The following MFHAS1 variants were observed in gnomAD, a reference collection of about 807,000 sequenced individuals.
MFHAS1 encodes the protein malignant fibrous histiocytoma-amplified sequence 1.
MFHAS1 carries 50 observed loss-of-function variants against 70.4 expected under a neutral mutation model. The observed-to-expected ratio is 0.71, with a 90% confidence interval of 0.57 to 0.90. The LOEUF (loss-of-function observed/expected upper bound fraction) is 0.90. MFHAS1 is among the 40% of genes least tolerant of loss of function. The pLI, the probability that MFHAS1 is intolerant of heterozygous loss-of-function variation, is 0.00. For missense variants in MFHAS1, 1,795 were observed against 1,347.6 expected (o/e 1.33, Z -5.20); for synonymous variants, 952 against 620.0 (o/e 1.54, Z -7.96).
At chr8:8,882,376 G>A (rs528687144) in intron 1 of MFHAS1, among the ~76,000 whole-genome samples, 20 of 151,894 alleles carry the variant, frequency 1.3e-4, no homozygotes, top group Non-Finnish European at 1.9e-4. Flanking sequence ...GAGACAGAGC[G>A]AGACTCAGTC....
chr8:8,851,498 G>A (rs935550585), intron 1 of MFHAS1, among the ~76,000 whole-genome samples: 5 of 152,182 alleles, frequency 3.3e-5, no homozygotes, highest in Non-Finnish European at 7.4e-5. Flanking sequence ...GTGTGGAGTT[G>A]TTATCTAAAT....
chr8:8,867,466 C>A (rs921739152), intron 1 of MFHAS1, among the ~76,000 whole-genome samples: 2 of 151,832 alleles, frequency 1.3e-5, no homozygotes, highest in Admixed American at 1.3e-4. Context: ...TGTTTCTACT[C>A]TTTTATTATT....
At position 8,892,395 on chromosome 8, in the gene MFHAS1, C is replaced by A. The variant is rs1226898272; in HGVS notation, c.664G>T (p.Asp222Tyr). 1.2e-6 allele frequency: 2 copies of A among 1,612,800 alleles called. No homozygotes were observed. The highest frequency in any genetic ancestry group is 2.2e-5 in the South Asian group (2 of 91,056). ...TTGAGGGCACGCAGGGCACTGATATCCTCAGGCAGGCCCCGCAGCCGGTTG... is the reference window on the plus strand; with the variant it reads ...TTGAGGGCACGCAGGGCACTGATATACTCAGGCAGGCCCCGCAGCCGGTTG... The part of the protein sequence containing the change: ...SSNRLRGLPE[D>Y]ISALRALKIL... Residue 222 changes from aspartate (D) to tyrosine (Y), a missense_variant, in exon 1 of 3, where the codon GAT (aspartate) becomes TAT (tyrosine). Asp to Tyr is a radical substitution (Grantham distance 160, BLOSUM62 -3). Transcript: ENST00000276282. This position sits in a 1 kb window ranked among gnomAD's most constrained non-coding sequence, Gnocchi z 4.7.
intron 1 of MFHAS1, among the ~76,000 whole-genome samples, chr8:8,854,337 C>A (rs893394198): frequency 1.3e-5 from 2 of 152,038 alleles, no homozygotes; most frequent in South Asian, 4.2e-4. Context: ...CTGGCTAACA[C>A]AGTGAAACCC....
In MFHAS1 at chr8:8,823,765, G is replaced by A. The variant is rs376428298; in HGVS notation, c.2999-26274C>T. 2.7e-5 allele frequency among the ~76,000 whole-genome samples: 4 copies of A among 147,664 alleles called. No individual in the cohort carries two copies. The East Asian group carries it at 6.0e-4, about 22-fold the overall frequency. ...TCACCTGCGAAATTTCAAGACCCAC[G>A]GTGGCTGTGCTCCATCTCTGATGTA... On this transcript the variant is annotated intron_variant, in intron 1 of 2. Transcript: ENST00000276282.
chr8:8,879,692 G>T (rs1343715828), intron 1 of MFHAS1, among the ~76,000 whole-genome samples: 2 of 151,944 alleles, frequency 1.3e-5, no homozygotes, highest in East Asian at 3.9e-4. Flanking sequence ...CTCCATATGG[G>T]GTCAGATTCC....
chr8:8,892,084 C>T lies in MFHAS1; in HGVS notation c.975G>A (p.Trp325Ter), dbSNP rs1021040005. 3 of 1,613,498 alleles carry T rather than the reference C, an allele frequency of 1.9e-6. No homozygotes were observed. Among genetic ancestry groups the T allele is most frequent in the Non-Finnish European group, 2.5e-6 (3 of 1,180,038 alleles). The change falls in exon 1 of 3, where the codon TGG becomes TGA. Residue 325 changes from tryptophan to a stop codon, truncating the protein, a stop_gained. Coordinates refer to ENST00000276282, the MANE Select transcript of MFHAS1 (RefSeq NM_004225.3). LOFTEE classifies it high-confidence loss of function. The surrounding 1 kb of genome is among the most constrained non-coding windows in gnomAD (Gnocchi z 4.7). Reference sequence around the variant, plus strand: ...GGTAGCGGATGCGGTTATTATCCAGCCACAAGGTGAGAAGCCGGCCCAGGC... The same window carrying T: ...GGTAGCGGATGCGGTTATTATCCAGTCACAAGGTGAGAAGCCGGCCCAGGC... ...ISGLGRLLTLWLDNNRIRYLP... is the reference protein window; with the variant it reads ...ISGLGRLLTL
chr8:8,792,509 G>A (rs1262600668), intron 2 of MFHAS1, among the ~76,000 whole-genome samples: 1 of 151,122 alleles, frequency 6.6e-6, no homozygotes, highest in African/African-American at 2.4e-5. Flanking sequence ...TGGAGGCTGA[G>A]GCAGAAGAAT....
intron 1 of MFHAS1, among the ~76,000 whole-genome samples, chr8:8,824,969 C>T (rs1023529099): frequency 1.3e-5 from 2 of 152,200 alleles, no homozygotes; most frequent in Admixed American, 1.3e-4. Context: ...TTTGCAGGTT[C>T]CCAGGCTAGA....
At chr8:8,819,029 A>T (rs954429582) in intron 1 of MFHAS1, among the ~76,000 whole-genome samples, 1 of 152,238 alleles carries the variant, frequency 6.6e-6, no homozygotes, top group Non-Finnish European at 1.5e-5. Flanking sequence ...GGAGTAAAAT[A>T]TTGAAAATAA....
At chr8:8,884,582 G>A (rs2116936368) in intron 1 of MFHAS1, among the ~76,000 whole-genome samples, 1 of 152,306 alleles carries the variant, frequency 6.6e-6, no homozygotes, top group African/African-American at 2.4e-5. Context: ...CACTGTGAGG[G>A]GGAGGGAGTT....
At chr8:8,794,580 CAAG>C (rs1463659684) in intron 2 of MFHAS1, among the ~76,000 whole-genome samples, 6 of 152,164 alleles carry the variant, frequency 3.9e-5, no homozygotes, top group African/African-American at 1.4e-4. Context: ...TAAAGTCACA[CAAG>C]AGATCATTTA....
intron 1 of MFHAS1, among the ~76,000 whole-genome samples, chr8:8,886,448 C>G (rs13263327): frequency 0.21 from 31,751 of 151,974 alleles, 4,125 homozygotes; most frequent in African/African-American, 0.36. Flanking sequence ...GATTACAGCC[C>G]TGAGCCACTG....
chr8:8,832,083 C>CAG (rs1807417405), intron 1 of MFHAS1, among the ~76,000 whole-genome samples: 1 of 151,684 alleles, frequency 6.6e-6, no homozygotes, highest in Non-Finnish European at 1.5e-5. Flanking sequence ...CACACACACA[C>CAG]ACACACGCAC....
At chr8:8,858,564 C>T (rs1808537181) in intron 1 of MFHAS1, among the ~76,000 whole-genome samples, 1 of 152,002 alleles carries the variant, frequency 6.6e-6, no homozygotes, top group African/African-American at 2.4e-5. Context: ...TAAAAATATG[C>T]CTTTTGGGGG....
rs1288072576 is a variant in MFHAS1, at chr8:8,892,409, C to A, written c.650G>T (p.Arg217Leu). Residue 217 changes from arginine (R) to leucine (L), a missense_variant, in exon 1 of 3, where the codon CGG becomes CTG. Physicochemically the swap from Arg to Leu is moderately radical, Grantham distance 102. Transcript: ENST00000276282. This position sits in a 1 kb window ranked among gnomAD's most constrained non-coding sequence, Gnocchi z 4.7. ...EELDVSSNRL[R>L]GLPEDISALR... ...GGCACTGATATCCTCAGGCAGGCCC[C>A]GCAGCCGGTTGCTGGACACGTCCAG... 1.4e-5 allele frequency: 22 copies of A among 1,612,868 alleles called. No homozygotes were observed. Among genetic ancestry groups the A allele is most frequent in the Non-Finnish European group, 1.8e-5 (21 of 1,179,810 alleles).
At chr8:8,798,848 A>C (rs1438633668) in intron 1 of MFHAS1, among the ~76,000 whole-genome samples, 3 of 151,910 alleles carry the variant, frequency 2.0e-5, no homozygotes, top group Non-Finnish European at 4.4e-5. Flanking sequence ...GGAGTTCGAG[A>C]CCAGCCTGGC....
intron 1 of MFHAS1, among the ~76,000 whole-genome samples, chr8:8,871,196 T>C (rs1195197541): frequency 6.6e-6 from 1 of 152,146 alleles, no homozygotes; most frequent in Non-Finnish European, 1.5e-5. Flanking sequence ...CCACTCCTCA[T>C]CTGTAAACCA....
At chr8:8,839,363 C>T (rs531820959) in intron 1 of MFHAS1, among the ~76,000 whole-genome samples, 12 of 152,210 alleles carry the variant, frequency 7.9e-5, no homozygotes, top group African/African-American at 2.6e-4. Flanking sequence ...TATGTAAAAG[C>T]CTGTCAAACT....
Sources: gnomAD v4.1 joint callset for allele counts (sites outside exome capture counted in the v4.1 genomes callset) on GRCh38, gnomAD v4.1.1 for gene constraint, Gnocchi (gnomAD v3.1) non-coding constraint, MANE v1.5 for transcripts, NCBI Gene and HGNC (gene_info 2026-07-23, HGNC 2026-07-21) for gene names.